The following ROR1 variants were observed in gnomAD, a reference collection of about 807,000 sequenced individuals.
The protein encoded by ROR1 is inactive tyrosine-protein kinase transmembrane receptor ROR1.
In ROR1, 19 loss-of-function variants were observed where a neutral mutation model predicts 78.8. That is an observed-to-expected ratio of 0.24 (90% CI 0.17 to 0.35). The LOEUF (loss-of-function observed/expected upper bound fraction) is 0.35. ROR1 is among the 10% of genes least tolerant of loss of function. The probability of loss-of-function intolerance (pLI) is 1.00; values close to 1 mark genes in which losing one functional copy is unlikely to be tolerated. For missense variants in ROR1, 917 were observed against 1,177.8 expected, an observed-to-expected ratio of 0.78 and a Z score of 3.24; for synonymous variants, 386 against 433.6, an observed-to-expected ratio of 0.89 and a Z score of 1.36.
intron 1 of ROR1, among the ~76,000 whole-genome samples, chr1:63,948,827 C>T (rs768220906): frequency 6.6e-5 from 10 of 152,112 alleles, no homozygotes; most frequent in Non-Finnish European, 1.3e-4. Context: ...AACCAGGAAG[C>T]GAGGCCTTAC....
At position 64,176,643 on chromosome 1, in the gene ROR1, G is replaced by T. The variant is rs368644570; in HGVS notation, c.1387-785G>T. Among the ~76,000 whole-genome samples, 54 of 152,320 alleles carry T rather than the reference G, an allele frequency of 3.5e-4. 4 individuals are homozygous for T. The South Asian group carries it at 4.8e-3, about 13-fold the overall frequency. The stretch of plus-strand genomic sequence containing the variant: ...TGGCATTCACAGTAAAGGCAAAAGA[G>T]TCTAGCAAAGAAATGACCATAGTGG... On this transcript the variant is annotated intron_variant, in intron 8 of 8. Coordinates refer to ENST00000371079, the MANE Select transcript of ROR1 (RefSeq NM_005012.4).
intron 1 of ROR1, among the ~76,000 whole-genome samples, chr1:63,919,987 G>A (rs855815): frequency 0.66 from 100,242 of 152,092 alleles, 37,471 homozygotes; most frequent in East Asian, 0.94. Flanking sequence ...AATGCTGAAA[G>A]CTGCTTTTGT....
intron 2 of ROR1, among the ~76,000 whole-genome samples, chr1:64,028,458 C>G (rs1018904151): frequency 6.6e-6 from 1 of 152,138 alleles, no homozygotes; most frequent in African/African-American, 2.4e-5. Context: ...TGGCCATGAC[C>G]CACATCTCCT....
At chr1:64,073,885 C>G (rs1647027199) in intron 4 of ROR1, among the ~76,000 whole-genome samples, 2 of 152,194 alleles carry the variant, frequency 1.3e-5, no homozygotes, top group South Asian at 2.1e-4. Flanking sequence ...GATTTGTAAG[C>G]TCCCCTTTGT....
chr1:63,962,177 T>A (rs928817336), intron 1 of ROR1, among the ~76,000 whole-genome samples: 1 of 152,144 alleles, frequency 6.6e-6, no homozygotes, highest in Admixed American at 6.5e-5. Context: ...CAAGGATTGC[T>A]TGAGCCCAGG....
intron 5 of ROR1, among the ~76,000 whole-genome samples, chr1:64,138,327 G>A (rs751147759): frequency 1.3e-5 from 2 of 152,040 alleles, no homozygotes; most frequent in Non-Finnish European, 2.9e-5. Context: ...GATAAACAAC[G>A]AATAATTTTT....
Position 64,177,710 on chromosome 1 carries a change from CA to C in ROR1, c.1670del (p.Gln557ArgfsTer10). ...GTGCATGCTTTTTGAGTATATTAATCAGGGGGATCTCCATGAGTTCCTCATC... is the reference window on the plus strand; with the variant it reads ...GTGCATGCTTTTTGAGTATATTAATCGGGGGATCTCCATGAGTTCCTCATC... ...PVCMLFEYIN[Q>X]GDLHEFLIMR... On this transcript the variant is annotated frameshift_variant, in exon 9 of 9. Transcript: ENST00000371079. LOFTEE classifies it high-confidence loss of function. The C allele has an allele frequency of 1.2e-6, 2 of 1,614,182 alleles. No homozygotes were observed. Among genetic ancestry groups the C allele is most frequent in the Non-Finnish European group, 1.7e-6 (2 of 1,180,034 alleles).
At chr1:63,960,387 C>G (rs1392042164) in intron 1 of ROR1, among the ~76,000 whole-genome samples, 1 of 152,132 alleles carries the variant, frequency 6.6e-6, no homozygotes, top group Admixed American at 6.5e-5. Context: ...GCTCTGTGGT[C>G]AAGACCGTCA....
chr1:63,957,247 G>A (rs1645990680), intron 1 of ROR1, among the ~76,000 whole-genome samples: 1 of 152,206 alleles, frequency 6.6e-6, no homozygotes, highest in Admixed American at 6.5e-5. Context: ...TCAACTGCCA[G>A]TGTTACTATG....
intron 4 of ROR1, among the ~76,000 whole-genome samples, chr1:64,062,550 A>G (rs1191762867): frequency 1.3e-5 from 2 of 152,046 alleles, no homozygotes; most frequent in Non-Finnish European, 2.9e-5. Flanking sequence ...TGACCTCGTA[A>G]TCTGCCCACC....
At chr1:63,914,605 T>C (rs1053607899) in intron 1 of ROR1, among the ~76,000 whole-genome samples, 17 of 152,264 alleles carry the variant, frequency 1.1e-4, no homozygotes, top group African/African-American at 4.1e-4. Flanking sequence ...CAGTCTAAAG[T>C]CTGATCCCAA....
chr1:63,807,391 A>G (rs1644836595), intron 1 of ROR1, among the ~76,000 whole-genome samples: 2 of 152,136 alleles, frequency 1.3e-5, no homozygotes, highest in African/African-American at 4.8e-5. Context: ...AGAAGGGGAC[A>G]ATGCCTTCCT....
At chr1:64,049,311 T>C (rs1646809391) in intron 2 of ROR1, among the ~76,000 whole-genome samples, 1 of 152,182 alleles carries the variant, frequency 6.6e-6, no homozygotes. Flanking sequence ...TGCCAGGATG[T>C]TAAAAATGGT....
intron 4 of ROR1, among the ~76,000 whole-genome samples, chr1:64,088,889 C>A (rs537130663): frequency 1.3e-5 from 2 of 152,276 alleles, no homozygotes; most frequent in Admixed American, 1.3e-4. Context: ...GAATCAGTCT[C>A]CACAGTGTTT....
At chr1:64,152,000 A>C (rs1649639773) in intron 7 of ROR1, among the ~76,000 whole-genome samples, 1 of 152,200 alleles carries the variant, frequency 6.6e-6, no homozygotes. Context: ...ACATTGCCAG[A>C]CATCTCCAGA....
chr1:63,942,255 T>A (rs1645846821), intron 1 of ROR1, among the ~76,000 whole-genome samples: 1 of 152,210 alleles, frequency 6.6e-6, no homozygotes. Flanking sequence ...TTGGTTCCCA[T>A]GTTTGATAAA....
intron 4 of ROR1, among the ~76,000 whole-genome samples, chr1:64,102,350 G>A (rs955069287): frequency 9.2e-5 from 14 of 152,144 alleles, no homozygotes; most frequent in African/African-American, 3.1e-4. Context: ...AGGCAAAGAG[G>A]GAAAATAAAC....
intron 4 of ROR1, among the ~76,000 whole-genome samples, chr1:64,082,017 T>C (rs1476876025): frequency 6.6e-6 from 1 of 152,162 alleles, no homozygotes; most frequent in African/African-American, 2.4e-5. Context: ...ACTCTCAAGA[T>C]TGAGAAACAC....
At chr1:63,889,658 G>T (rs1645381106) in intron 1 of ROR1, among the ~76,000 whole-genome samples, 1 of 152,128 alleles carries the variant, frequency 6.6e-6, no homozygotes, top group African/African-American at 2.4e-5. Context: ...ATAAACCAAA[G>T]ATTTGCAAAT....
Sources: allele counts gnomAD v4.1 joint callset (sites outside exome capture counted in the v4.1 genomes callset), GRCh38; gene constraint gnomAD v4.1.1; transcripts MANE v1.5; gene names NCBI Gene and HGNC (gene_info 2026-07-23, HGNC 2026-07-21).